The following RFX8 variants were observed in gnomAD, a reference collection of about 807,000 sequenced individuals.
RFX8 encodes DNA-binding protein RFX8.
A neutral mutation model predicts 54.6 loss-of-function variants in RFX8; 46 were observed. That is an observed-to-expected ratio of 0.84 (90% confidence interval 0.67 to 1.08). The LOEUF is 1.08. Among genes scored for constraint, RFX8 ranks in the 50% least tolerant of loss-of-function variants. The pLI is 0.00. For missense variants in RFX8, 536 were observed against 562.3 expected (o/e 0.95, Z 0.47); for synonymous variants, 192 against 209.5 (o/e 0.92, Z 0.72).
chr2:101,434,772 C>T (rs1167555911), intron 2 of RFX8: 2 of 152,180 alleles, frequency 1.3e-5, no homozygotes, highest in Non-Finnish European at 2.9e-5. Flanking sequence ...AAGTTCCAAC[C>T]AGCCTTGAAA....
At chr2:101,465,961 T>C (rs1222919154) in intron 2 of RFX8, among the ~76,000 whole-genome samples, 2 of 152,182 alleles carry the variant, frequency 1.3e-5, no homozygotes, top group Non-Finnish European at 2.9e-5. Context: ...TTGTTTCAAA[T>C]ATGTGAGCAG....
chr2:101,445,982 T>C (rs1353276505), intron 2 of RFX8, among the ~76,000 whole-genome samples: 1 of 152,324 alleles, frequency 6.6e-6, no homozygotes, highest in East Asian at 1.9e-4. Context: ...TATAATAAAA[T>C]AGACACTTTT....
At position 101,403,517 on chromosome 2, in the gene RFX8, C is replaced by T. The variant is rs368063236; in HGVS notation, c.929-765G>A. ...AATGGACACATCAGGCTGGGCACAG[C>T]GGCTCACGCCTGTAATCCCAGCACT... On this transcript the variant is annotated intron_variant, in intron 10 of 11. Transcript: ENST00000428343. 2.6e-5 allele frequency among the ~76,000 whole-genome samples: 4 copies of T among 152,278 alleles called. No homozygotes were observed. The South Asian group carries it at 8.3e-4, about 32-fold the overall frequency.
chr2:101,411,502 G>A (rs373203589), intron 8 of RFX8, among the ~76,000 whole-genome samples: 1 of 9,560 alleles, frequency 1.0e-4, no homozygotes, highest in Admixed American at 3.0e-4. Context: ...CCGGGCGGGG[G>A]AGGGGGTGTC....
chr2:101,456,225 C>T (rs976122995), intron 2 of RFX8, among the ~76,000 whole-genome samples: 2 of 152,186 alleles, frequency 1.3e-5, no homozygotes, highest in Non-Finnish European at 2.9e-5. Context: ...GCCTGATTGT[C>T]CTAGCCAGAA....
At chr2:101,454,726 C>G (rs918827291) in intron 2 of RFX8, among the ~76,000 whole-genome samples, 17 of 152,118 alleles carry the variant, frequency 1.1e-4, no homozygotes, top group Admixed American at 3.9e-4. Context: ...TACCCTTTAC[C>G]CACTTTTTGA....
At chr2:101,402,788 G>C (rs1573343009) in intron 10 of RFX8, 36 bp from the exon 11 acceptor site, 1 of 1,495,778 alleles carries the variant, frequency 6.7e-7, no homozygotes, top group East Asian at 2.5e-5. Context: ...GAATACATTT[G>C]ATCGACAGAC....
intron 2 of RFX8, among the ~76,000 whole-genome samples, chr2:101,424,118 A>T (rs765626754): frequency 3.3e-5 from 5 of 152,214 alleles, no homozygotes; most frequent in Non-Finnish European, 5.9e-5. Context: ...TACATAAAGC[A>T]GGAACACAGA....
At chr2:101,462,616 C>T (rs962148324) in intron 2 of RFX8, among the ~76,000 whole-genome samples, 3 of 152,112 alleles carry the variant, frequency 2.0e-5, no homozygotes, top group Non-Finnish European at 2.9e-5. Context: ...ATTCTCTTTA[C>T]ATGTGTTTTC....
chr2:101,413,116 T>C, intron 7 of RFX8, 45 bp from the exon 8 acceptor site: 3 of 1,508,954 alleles, frequency 2.0e-6, no homozygotes, highest in Non-Finnish European at 2.7e-6. Flanking sequence ...ATCTGGTCAT[T>C]TTATTTTTGC....
At position 101,433,042 on chromosome 2, in the gene RFX8, T is replaced by C. The variant is rs548042083; in HGVS notation, c.73-10570A>G. On this transcript the variant is annotated intron_variant, in intron 2 of 11. Coordinates refer to ENST00000428343, the MANE Select transcript of RFX8 (RefSeq NM_001145664.2). ...AGGGAAGGGCGGGGTCAGCTGGGGA[T>C]GGAGGGAGAAGAGCCCAGATGGGGA... Among the ~76,000 whole-genome samples the C allele has an allele frequency of 3.1e-3, 468 of 151,342 alleles. 3 individuals are homozygous for C. The highest frequency in any genetic ancestry group is 0.011 in the African/African-American group (446 of 41,152).
At chr2:101,465,957 C>T (rs1284267165) in intron 2 of RFX8, among the ~76,000 whole-genome samples, 4 of 152,130 alleles carry the variant, frequency 2.6e-5, no homozygotes, top group African/African-American at 9.7e-5. Context: ...ACAGTTGTTT[C>T]AAATATGTGA....
At chr2:101,427,848 G>T (rs532762462) in intron 2 of RFX8, among the ~76,000 whole-genome samples, 1 of 152,186 alleles carries the variant, frequency 6.6e-6, no homozygotes, top group African/African-American at 2.4e-5. Flanking sequence ...TGTTTTTAGC[G>T]GTTCTTTCAC....
At chr2:101,469,062 ATATGTATATATATATAAG>A (rs1689778704) in intron 1 of RFX8, among the ~76,000 whole-genome samples, 1 of 21,700 alleles carries the variant, frequency 4.6e-5, no homozygotes, top group South Asian at 2.5e-3. Flanking sequence ...ATACGTATAT[ATATGTATATATATATAAG>A]TGTATATATA....
intron 2 of RFX8, among the ~76,000 whole-genome samples, chr2:101,432,461 A>G (rs1687541241): frequency 6.6e-6 from 1 of 152,162 alleles, no homozygotes; most frequent in African/African-American, 2.4e-5. Context: ...ACTAGGCTAG[A>G]GAGGAAGGTT....
intron 2 of RFX8, among the ~76,000 whole-genome samples, chr2:101,464,560 C>T: frequency 6.6e-6 from 1 of 152,192 alleles, no homozygotes; most frequent in East Asian, 1.9e-4. Context: ...TTCCCTTCCC[C>T]TCCCTTCTCC....
At chr2:101,472,507 C>G (rs1422425984) in intron 1 of RFX8, among the ~76,000 whole-genome samples, 2 of 105,402 alleles carry the variant, frequency 1.9e-5, no homozygotes, top group Admixed American at 8.4e-5. Flanking sequence ...CCTCCACCCC[C>G]CAACCTTGAA....
At chr2:101,461,147 T>C (rs1218803342) in intron 2 of RFX8, among the ~76,000 whole-genome samples, 2 of 150,302 alleles carry the variant, frequency 1.3e-5, no homozygotes, top group Admixed American at 1.3e-4. Flanking sequence ...CGGGCACCTG[T>C]AGTCCCAGCT....
chr2:101,414,833 A>T, intron 7 of RFX8, 21 bp downstream of exon 7: 1 of 1,537,744 alleles, frequency 6.5e-7, no homozygotes, highest in Non-Finnish European at 8.8e-7. Flanking sequence ...GTTCCCTCCT[A>T]TCTGCTTGGC....
Sources: allele counts gnomAD v4.1 joint callset (sites outside exome capture counted in the v4.1 genomes callset), GRCh38; gene constraint gnomAD v4.1.1; transcripts MANE v1.5; gene names NCBI Gene and HGNC (gene_info 2026-07-23, HGNC 2026-07-21).